CCDC7: variants seen among roughly 807,000 people sequenced by gnomAD.
CCDC7 encodes coiled-coil domain-containing protein 7.
Under a neutral mutation model 196.9 loss-of-function variants are expected in CCDC7, and 183 were observed. The observed-to-expected ratio is 0.93, with a 90% CI of 0.82 to 1.05. The LOEUF is 1.05. CCDC7 is among the 50% of genes least tolerant of loss of function. CCDC7 has a pLI of 0.00. For synonymous variants in CCDC7, 525 were observed against 484.6 expected, an observed-to-expected ratio of 1.08 and a Z score of -1.10; for missense variants, 1,540 against 1,482.2, an observed-to-expected ratio of 1.04 and a Z score of -0.64.
downstream of CCDC7, chr10:32,876,496 G>A (rs911665339): frequency 9.1e-7 from 1 of 1,101,582 alleles, no homozygotes; most frequent in African/African-American, 1.6e-5. Flanking sequence ...ACTGACTCGT[G>A]TGGATGGTGC....
intron 25 of CCDC7, among the ~76,000 whole-genome samples, chr10:32,720,554 C>T (rs1348814352): frequency 6.6e-6 from 1 of 151,920 alleles, no homozygotes; most frequent in Non-Finnish European, 1.5e-5. Context: ...CACATGTATC[C>T]CAGAACTTAA....
intron 21 of CCDC7, among the ~76,000 whole-genome samples, chr10:32,671,691 A>G (rs1022903531): frequency 6.6e-6 from 1 of 152,150 alleles, no homozygotes. Context: ...AATCTGGTGC[A>G]GCAGTCACCT....
chr10:32,526,000 C>T (rs2048617860), intron 11 of CCDC7, among the ~76,000 whole-genome samples: 2 of 152,208 alleles, frequency 1.3e-5, no homozygotes, highest in Non-Finnish European at 1.5e-5. Context: ...AGGCCCTTTC[C>T]TTCAGGGTGG....
chr10:32,619,375 T>C (rs1762548), intron 18 of CCDC7, among the ~76,000 whole-genome samples: 52,132 of 151,888 alleles, frequency 0.34, 11,424 homozygotes, highest in Non-Finnish European at 0.5. Flanking sequence ...AGCTAGCCTG[T>C]ATAATAACAA....
At chr10:32,728,889 C>G in exon 27 of CCDC7, 1 of 1,563,738 alleles carries the variant, frequency 6.4e-7, no homozygotes, top group Non-Finnish European at 8.8e-7. Flanking sequence ...TGATATAGCT[C>G]GTATTGTAGT....
At chr10:32,680,213 T>C (rs1043887112) in intron 21 of CCDC7, among the ~76,000 whole-genome samples, 1 of 152,172 alleles carries the variant, frequency 6.6e-6, no homozygotes, top group African/African-American at 2.4e-5. Flanking sequence ...GTATAGGACA[T>C]TGGGCAGGTT....
intron 41 of CCDC7, among the ~76,000 whole-genome samples, chr10:32,861,402 A>G (rs1351155947): frequency 1.3e-5 from 2 of 152,144 alleles, no homozygotes; most frequent in African/African-American, 4.8e-5. Flanking sequence ...CCTCCCTTAC[A>G]CCTTATATAA....
intron 24 of CCDC7, among the ~76,000 whole-genome samples, chr10:32,698,906 A>G (rs996104978): frequency 6.6e-6 from 1 of 152,198 alleles, no homozygotes; most frequent in African/African-American, 2.4e-5. Flanking sequence ...TAATTGTCAG[A>G]TTCACCAAGG....
intron 32 of CCDC7, among the ~76,000 whole-genome samples, chr10:32,832,676 C>A (rs2135924456): frequency 6.6e-6 from 1 of 151,948 alleles, no homozygotes; most frequent in African/African-American, 2.4e-5. Flanking sequence ...TTAAAAAAAA[C>A]TTAAGAAAGT....
Position 32,838,871 on chromosome 10 carries a change from A to G in CCDC7, c.3352+3973A>G, listed in dbSNP as rs139966195. Among the ~76,000 whole-genome samples, 1,471 of 152,104 alleles carry G rather than the reference A, an allele frequency of 9.7e-3. 9 individuals carry two copies. The highest frequency in any genetic ancestry group is 0.011 in the Non-Finnish European group (745 of 67,960). ...AACAATTATCAGCCAAAAATTTTGT[A>G]TCCAGTGAAATTGAGCTTCATAAAT... On this transcript the variant is annotated intron_variant, in intron 33 of 41. Transcript: ENST00000639629.
At chr10:32,602,107 C>T (rs1361804987) in intron 18 of CCDC7, among the ~76,000 whole-genome samples, 6 of 152,146 alleles carry the variant, frequency 3.9e-5, no homozygotes, top group Non-Finnish European at 7.3e-5. Context: ...AGCTGTAACA[C>T]TCACTGTGAG....
intron 31 of CCDC7, among the ~76,000 whole-genome samples, chr10:32,823,093 C>T (rs1211304574): frequency 2.0e-5 from 3 of 151,272 alleles, no homozygotes; most frequent in Non-Finnish European, 4.4e-5. Flanking sequence ...ATAGCTATTA[C>T]TTTTACAAAA....
At chr10:32,729,996 A>C (rs968398076) in intron 28 of CCDC7, among the ~76,000 whole-genome samples, 1 of 152,060 alleles carries the variant, frequency 6.6e-6, no homozygotes, top group Admixed American at 6.6e-5. Context: ...TTTTAAAATC[A>C]GCTTGAATTT....
At chr10:32,632,956 C>G (rs1028682778) in intron 18 of CCDC7, among the ~76,000 whole-genome samples, 1 of 152,146 alleles carries the variant, frequency 6.6e-6, no homozygotes. Context: ...TTCCAGTGAG[C>G]TCTACTTAAT....
At chr10:32,654,848 G>T (rs1243899549) in intron 20 of CCDC7, among the ~76,000 whole-genome samples, 2 of 152,118 alleles carry the variant, frequency 1.3e-5, no homozygotes, top group African/African-American at 2.4e-5. Context: ...CCTGATACAT[G>T]TTAGAGCTTT....
intron 39 of CCDC7, among the ~76,000 whole-genome samples, chr10:32,850,679 C>T (rs574443909): frequency 3.5e-4 from 53 of 152,092 alleles, no homozygotes; most frequent in African/African-American, 1.2e-3. Context: ...CCAAAGACCA[C>T]GATATTGTGA....
chr10:32,625,977 A>T (rs971832603), intron 18 of CCDC7, among the ~76,000 whole-genome samples: 2 of 152,062 alleles, frequency 1.3e-5, no homozygotes, highest in Non-Finnish European at 2.9e-5. Context: ...CCATTGATAA[A>T]CAGGTTGATT....
intron 29 of CCDC7, among the ~76,000 whole-genome samples, chr10:32,785,618 TA>T (rs1244872094): frequency 2.6e-5 from 4 of 152,128 alleles, no homozygotes; most frequent in African/African-American, 9.7e-5. Context: ...ATTATTTTTT[TA>T]AAGTAGAGGA....
intron 20 of CCDC7, among the ~76,000 whole-genome samples, chr10:32,652,890 A>T (rs567177314): frequency 6.6e-6 from 1 of 152,308 alleles, no homozygotes; most frequent in East Asian, 1.9e-4. Context: ...ATTAGCAGAG[A>T]TTTTTATAAA....
Sources: allele counts gnomAD v4.1 joint callset (sites outside exome capture counted in the v4.1 genomes callset), GRCh38; gene constraint gnomAD v4.1.1; transcripts MANE v1.5; gene names NCBI Gene and HGNC (gene_info 2026-07-23, HGNC 2026-07-21).